CAST: variants seen among roughly 807,000 people sequenced by gnomAD.
CAST encodes the protein MIR583 host.
Under a neutral mutation model 119.6 loss-of-function variants are expected in CAST, and 76 were observed. That is an observed-to-expected ratio of 0.64 (90% CI 0.53 to 0.77). The LOEUF (loss-of-function observed/expected upper bound fraction) is 0.77, where lower values mean the gene tolerates loss of function less well. Ranked by LOEUF, CAST falls within the 30% of genes least tolerant of loss-of-function variation. CAST has a pLI of 0.00. For missense variants in CAST, 953 were observed against 946.5 expected, an observed-to-expected ratio of 1.01 and a Z score of -0.09; for synonymous variants, 319 against 331.6, an observed-to-expected ratio of 0.96 and a Z score of 0.41.
At position 96,743,810 on chromosome 5, in the gene CAST, T is replaced by G. The variant is rs1238251281; in HGVS notation, c.1200+1054T>G. On this transcript the variant is annotated intron_variant, in intron 16 of 31. Transcript: ENST00000675179. ...AATGTGAGATATACATTACTTAGAG[T>G]AGCCGACAGAAGCAGTGTCATCTTG... 4 of 1,063,584 alleles carry G rather than the reference T, an allele frequency of 3.8e-6. No individual in the cohort carries two copies. In the Admixed American group the frequency reaches 9.2e-5, roughly 24 times the overall value. The allele number at this position is 1,063,584 out of a possible 1,614,324, so 65.9% of individuals were successfully genotyped here. A position where few individuals can be genotyped will look rare whatever the true frequency, so the allele number is the denominator to read the frequency against.
intron 1 of CAST, among the ~76,000 whole-genome samples, chr5:96,617,479 C>T (rs1476291087): frequency 1.3e-5 from 2 of 152,054 alleles, no homozygotes; most frequent in Non-Finnish European, 2.9e-5. Flanking sequence ...ATGCAGGCAT[C>T]AATAATATTG....
At chr5:96,466,600 A>C in the CAST span, among the ~76,000 whole-genome samples, 3 of 151,944 alleles carry the variant, frequency 2.0e-5, no homozygotes, top group African/African-American at 7.3e-5. Flanking sequence ...ACAGGCAGAC[A>C]AACTAAGATA....
chr5:96,340,060 C>T, the CAST span, among the ~76,000 whole-genome samples: 1 of 152,090 alleles, frequency 6.6e-6, no homozygotes, highest in Non-Finnish European at 1.5e-5. Flanking sequence ...GGTAATCGGA[C>T]AGGAAACAAT....
chr5:96,078,594 C>A, the CAST span, among the ~76,000 whole-genome samples: 1 of 152,066 alleles, frequency 6.6e-6, no homozygotes, highest in Admixed American at 6.6e-5. Context: ...GGGGTTTCAC[C>A]ATCTTGATCA....
At chr5:96,761,528 A>G (rs1173691809) in intron 24 of CAST, 1 of 152,174 alleles carries the variant, frequency 6.6e-6, no homozygotes, top group African/African-American at 2.4e-5. Flanking sequence ...CTTTTGGTAA[A>G]ATTTGCAATT....
chr5:96,056,549 T>C, the CAST span, among the ~76,000 whole-genome samples: 1 of 152,146 alleles, frequency 6.6e-6, no homozygotes, highest in Non-Finnish European at 1.5e-5. Context: ...ATATTGAGTA[T>C]GTGAGATTCG....
the CAST span, among the ~76,000 whole-genome samples, chr5:96,292,810 A>G: frequency 6.6e-6 from 1 of 152,322 alleles, no homozygotes; most frequent in East Asian, 1.9e-4. Flanking sequence ...GAGGAAGTGG[A>G]GTGAAGGGAT....
chr5:96,648,002 T>G (rs1748040446), intron 1 of CAST, among the ~76,000 whole-genome samples: 1 of 152,226 alleles, frequency 6.6e-6, no homozygotes, highest in Non-Finnish European at 1.5e-5. Flanking sequence ...CCCTTGTGAA[T>G]TTGAATTCTG....
At chr5:96,536,440 A>G (rs1374708925) in intron 1 of CAST, among the ~76,000 whole-genome samples, 1 of 152,238 alleles carries the variant, frequency 6.6e-6, no homozygotes, top group East Asian at 1.9e-4. Context: ...AGTTGTAGAC[A>G]TGCCTGGTGT....
intron 6 of CAST, among the ~76,000 whole-genome samples, chr5:96,727,950 C>G (rs1275830859): frequency 6.6e-6 from 1 of 152,112 alleles, no homozygotes; most frequent in Non-Finnish European, 1.5e-5. Flanking sequence ...GAGAATCTTT[C>G]CTAAGAGGCT....
chr5:96,721,450 G>A (rs1379695721), intron 3 of CAST, among the ~76,000 whole-genome samples: 1 of 152,110 alleles, frequency 6.6e-6, no homozygotes, highest in South Asian at 2.1e-4. Flanking sequence ...AGTGTATTGG[G>A]GGTGGGGGAA....
the CAST span, among the ~76,000 whole-genome samples, chr5:96,160,879 A>G: frequency 6.6e-6 from 1 of 152,104 alleles, no homozygotes; most frequent in Admixed American, 6.6e-5. Flanking sequence ...AGCATTTTGT[A>G]TGTGCTTATT....
chr5:96,749,002 C>A (rs1764387485), intron 19 of CAST, among the ~76,000 whole-genome samples: 1 of 152,094 alleles, frequency 6.6e-6, no homozygotes, highest in African/African-American at 2.4e-5. Context: ...TGCTTCTATC[C>A]CCAGGAGTTT....
the CAST span, among the ~76,000 whole-genome samples, chr5:96,332,090 C>T: frequency 1.3e-5 from 2 of 152,186 alleles, no homozygotes; most frequent in Non-Finnish European, 2.9e-5. Flanking sequence ...CAGAGTCCCC[C>T]AGTTGTAAAA....
chr5:96,725,883 G>T (rs1019244512), intron 4 of CAST, among the ~76,000 whole-genome samples: 2 of 152,088 alleles, frequency 1.3e-5, no homozygotes, highest in African/African-American at 4.8e-5. Flanking sequence ...AGTGTGAAAG[G>T]ATCCAAAATT....
At chr5:96,318,277 C>T in the CAST span, among the ~76,000 whole-genome samples, 1 of 152,208 alleles carries the variant, frequency 6.6e-6, no homozygotes, top group African/African-American at 2.4e-5. Flanking sequence ...TTGAAACTCT[C>T]CAGTGCTGGA....
the CAST span, among the ~76,000 whole-genome samples, chr5:96,421,005 A>G: frequency 2.0e-4 from 30 of 152,346 alleles, no homozygotes; most frequent in African/African-American, 7.0e-4. Flanking sequence ...TTCTGTGTAG[A>G]GAAAATGAAA....
the CAST span, among the ~76,000 whole-genome samples, chr5:96,203,330 T>G: frequency 6.6e-6 from 1 of 152,134 alleles, no homozygotes. Context: ...ATTTTTTTTT[T>G]GCTTTTTTGT....
At chr5:96,223,814 A>T in the CAST span, among the ~76,000 whole-genome samples, 3 of 152,176 alleles carry the variant, frequency 2.0e-5, no homozygotes, top group South Asian at 6.2e-4. Context: ...TGTGTAATAG[A>T]TGTTAATAGA....
Sources: allele counts gnomAD v4.1 joint callset (sites outside exome capture counted in the v4.1 genomes callset), GRCh38; gene constraint gnomAD v4.1.1; transcripts MANE v1.5; gene names NCBI Gene and HGNC (gene_info 2026-07-23, HGNC 2026-07-21).